NEDD9: variants seen among roughly 807,000 people sequenced by gnomAD.
NEDD9 encodes neural precursor cell expressed, developmentally down-regulated 9.
NEDD9 carries 26 observed loss-of-function variants against 76.6 expected under a neutral mutation model. The ratio of observed to expected loss-of-function variants is 0.34; its 90% CI spans 0.25 to 0.47. The LOEUF is 0.47. Among genes scored for constraint, NEDD9 ranks in the 20% least tolerant of loss-of-function variants. The pLI is 1.00. For missense variants in NEDD9, 937 were observed against 1,058.5 expected (o/e 0.89, Z 1.59); for synonymous variants, 392 against 414.2 (o/e 0.95, Z 0.65).
rs542285967 is a variant in NEDD9 at position 11,355,957 on chromosome 6, G to A, written c.-213-21396C>T. Among the ~76,000 whole-genome samples the A allele has an allele frequency of 2.2e-3, 338 of 152,164 alleles. 2 individuals are homozygous for A. Among genetic ancestry groups the A allele is most frequent in the Non-Finnish European group, 3.5e-3 (235 of 68,002 alleles). ...AGGATGGTCTCGATCTCCTGACCTC[G>A]TGATCTGCCCACCTTGGCCTCCCAA... On this transcript the variant is annotated intron_variant, in intron 1 of 3. Transcript: ENST00000397378.
At chr6:11,217,930 T>C (rs1356101700) in intron 1 of NEDD9, among the ~76,000 whole-genome samples, 1 of 152,222 alleles carries the variant, frequency 6.6e-6, no homozygotes, top group Non-Finnish European at 1.5e-5. Context: ...TTTTTCGTTC[T>C]CTGTCTTCTC....
intron 2 of NEDD9, among the ~76,000 whole-genome samples, chr6:11,330,974 T>C (rs993410361): frequency 6.6e-6 from 1 of 152,192 alleles, no homozygotes. Context: ...AAATGGAATA[T>C]TGTGTAGATA....
chr6:11,356,621 G>A (rs1762580190), intron 1 of NEDD9, among the ~76,000 whole-genome samples: 1 of 152,060 alleles, frequency 6.6e-6, no homozygotes, highest in Non-Finnish European at 1.5e-5. Context: ...GCATTCCTAA[G>A]ATACTCCCAG....
upstream of NEDD9, chr6:11,232,786 T>C (rs997379222): frequency 3.8e-5 from 45 of 1,174,854 alleles, no homozygotes; most frequent in East Asian, 3.8e-4. Context: ...TCTGAAAAAC[T>C]GACAAAGAAC....
intron 1 of NEDD9, among the ~76,000 whole-genome samples, chr6:11,361,880 G>A (rs542336187): frequency 1.5e-4 from 23 of 152,262 alleles, no homozygotes; most frequent in African/African-American, 5.5e-4. Flanking sequence ...GAAGTAGGTG[G>A]TATGTGAGCT....
intron 1 of NEDD9, among the ~76,000 whole-genome samples, chr6:11,342,802 T>A (rs1762298273): frequency 6.6e-6 from 1 of 152,072 alleles, no homozygotes; most frequent in Non-Finnish European, 1.5e-5. Context: ...AATAAAAAAA[T>A]AATGACTGAT....
intron 1 of NEDD9, among the ~76,000 whole-genome samples, chr6:11,379,324 A>C (rs573539187): frequency 9.8e-5 from 15 of 152,316 alleles, no homozygotes; most frequent in African/African-American, 3.4e-4. Context: ...GCAGTGGCTC[A>C]TGCCTGTAAT....
intron 3 of NEDD9, among the ~76,000 whole-genome samples, chr6:11,266,063 A>G (rs1760195547): frequency 1.3e-5 from 2 of 152,170 alleles, no homozygotes; most frequent in African/African-American, 4.8e-5. Context: ...GAGGGGACCA[A>G]GAGAAATTAC....
rs1258306139 is a variant in NEDD9, at chr6:11,183,972, G to C, written c.*1190C>G. 2 of 152,220 alleles carry C rather than the reference G, an allele frequency of 1.3e-5. No individual in the cohort carries two copies. Among genetic ancestry groups the C allele is most frequent in the Non-Finnish European group, 2.9e-5 (2 of 68,048 alleles). The allele number at this position is 152,220 out of a possible 1,614,324, so 9.4% of individuals were successfully genotyped here. On this transcript the variant is annotated 3_prime_UTR_variant, in exon 7 of 7. Transcript: ENST00000379446. ...ATGTGAGGAGACAGACTATGGAATG[G>C]ACGCTGTGACTATCTGTGAGATAGT... is the stretch of plus-strand genomic sequence containing the variant.
chr6:11,304,744 G>GTCAACAT (rs1761135857), intron 3 of NEDD9, among the ~76,000 whole-genome samples: 1 of 152,170 alleles, frequency 6.6e-6, no homozygotes, highest in South Asian at 2.1e-4. Flanking sequence ...CTCATAGGTG[G>GTCAACAT]GAGTTGAACA....
At chr6:11,276,437 T>A (rs1203158792) in intron 3 of NEDD9, among the ~76,000 whole-genome samples, 1 of 152,224 alleles carries the variant, frequency 6.6e-6, no homozygotes, top group African/African-American at 2.4e-5. Flanking sequence ...GCACACATGC[T>A]GAGTCTTCTC....
intron 1 of NEDD9, among the ~76,000 whole-genome samples, chr6:11,341,028 T>C (rs906830832): frequency 6.6e-6 from 1 of 152,164 alleles, no homozygotes; most frequent in Non-Finnish European, 1.5e-5. Context: ...CCTCCCACCC[T>C]TTCCATTGAC....
chr6:11,234,982 G>T (rs1458908388), upstream of NEDD9, among the ~76,000 whole-genome samples: 1 of 152,140 alleles, frequency 6.6e-6, no homozygotes, highest in Non-Finnish European at 1.5e-5. Context: ...AAAGTGCTGG[G>T]ATTACAGGCG....
intron 3 of NEDD9, among the ~76,000 whole-genome samples, chr6:11,293,021 A>G (rs1158395700): frequency 6.6e-6 from 1 of 152,194 alleles, no homozygotes; most frequent in Non-Finnish European, 1.5e-5. Context: ...TAGTTTAACA[A>G]TCTCTACAGG....
Position 11,252,996 on chromosome 6 carries a change from A to T in NEDD9, c.13-39269T>A, listed in dbSNP as rs1759940398. On this transcript the variant is annotated intron_variant, in intron 3 of 3. Transcript: ENST00000397378. This position sits in a 1 kb window ranked among gnomAD's most constrained non-coding sequence, Gnocchi z 4.3. ...CCTGGCAGTTGCCTAAGAACAAAAC[A>T]TTATCTTGTGGGAGAGGAGTAGGGG... 6.6e-6 allele frequency among the ~76,000 whole-genome samples: 1 copy of T among 152,182 alleles called. No homozygotes were observed. Among genetic ancestry groups the T allele is most frequent in the Non-Finnish European group, 1.5e-5 (1 of 68,038 alleles).
In NEDD9 at chr6:11,184,978, A is replaced by G. The variant is rs73723906; in HGVS notation, c.*184T>C. 5,167 of 675,582 alleles carry G rather than the reference A, an allele frequency of 7.6e-3. 216 individuals are homozygous for G. In the African/African-American group the frequency reaches 0.084, roughly 11 times the overall value. The allele number at this position is 675,582 out of a possible 1,614,324, so 41.8% of individuals were successfully genotyped here. On this transcript the variant is annotated 3_prime_UTR_variant, in exon 7 of 7. Transcript: ENST00000379446. ...GTATACATAAGAACCACTCAGGGGG[A>G]AAAAAAAAGATTTCCCTCTCCAGCT...
rs1391500929 is a variant in NEDD9 at position 11,190,679 on chromosome 6, G to T, written c.1190C>A (p.Ala397Asp). Residue 397 changes from alanine to aspartate, a missense_variant, in exon 5 of 7, where the codon GCT becomes GAT. Coordinates refer to ENST00000379446, the MANE Select transcript of NEDD9 (RefSeq NM_006403.4). This position sits in a 1 kb window ranked among gnomAD's most constrained non-coding sequence, Gnocchi z 5.8. ...ATCCAGGAAGAGCCTTTTGTCCTGA[G>T]CTGGGGAGGCTGACAGTGAGGACTC... is the stretch of plus-strand genomic sequence containing the variant. ...SKESSLSASP[A>D]QDKRLFLDPD... The T allele has an allele frequency of 6.2e-7, 1 of 1,614,164 alleles. No individual in the cohort carries two copies. The highest frequency in any genetic ancestry group is 1.7e-5 in the Admixed American group (1 of 60,028).
chr6:11,306,013 A>G, exon 3 of NEDD9: 1 of 1,613,974 alleles, frequency 6.2e-7, no homozygotes, highest in Non-Finnish European at 8.5e-7. Context: ...TTTTGCCCCA[A>G]GGAATGATGC....
chr6:11,209,551 C>A (rs1050517725), intron 2 of NEDD9, among the ~76,000 whole-genome samples: 1 of 152,134 alleles, frequency 6.6e-6, no homozygotes, highest in African/African-American at 2.4e-5. Flanking sequence ...AGAAAGGAAA[C>A]GCAAGGTGAG....
Sources: gnomAD v4.1 joint callset for allele counts (sites outside exome capture counted in the v4.1 genomes callset) on GRCh38, gnomAD v4.1.1 for gene constraint, Gnocchi (gnomAD v3.1) non-coding constraint, MANE v1.5 for transcripts, NCBI Gene and HGNC (gene_info 2026-07-23, HGNC 2026-07-21) for gene names.